The following ARFGEF3 variants were observed in gnomAD, a reference collection of about 807,000 sequenced individuals.
The protein encoded by ARFGEF3 is ARFGEF family member 3, also known as brefeldin A-inhibited guanine nucleotide-exchange protein 3.
In ARFGEF3, 96 loss-of-function variants were observed where a neutral mutation model predicts 221.7. The ratio of observed to expected loss-of-function variants is 0.43; its 90% CI spans 0.37 to 0.51. The LOEUF (loss-of-function observed/expected upper bound fraction) is 0.51, where lower values mean the gene tolerates loss of function less well. Among genes scored for constraint, ARFGEF3 ranks in the 20% least tolerant of loss-of-function variants. The pLI, the probability that ARFGEF3 is intolerant of heterozygous loss-of-function variation, is 0.00. For synonymous variants in ARFGEF3, 1,145 were observed against 1,126.8 expected, an observed-to-expected ratio of 1.02 and a Z score of -0.32; for missense variants, 2,410 against 2,789.9, an observed-to-expected ratio of 0.86 and a Z score of 3.07.
intron 2 of ARFGEF3, among the ~76,000 whole-genome samples, chr6:138,193,408 A>G (rs2114471807): frequency 6.6e-6 from 1 of 152,238 alleles, no homozygotes; most frequent in African/African-American, 2.4e-5. Context: ...CTATGTTTCC[A>G]TATTATCACA....
chr6:138,255,540 A>G lies in ARFGEF3; in HGVS notation c.875A>G (p.Asp292Gly), dbSNP rs200371941. The G allele has an allele frequency of 3.7e-6, 6 of 1,613,880 alleles. No homozygotes were observed. In the Middle Eastern group the frequency reaches 4.9e-4, roughly 133 times the overall value. ...TSSTSTSLES[D>G]SASPGVSDHG... The stretch of plus-strand genomic sequence containing the variant: ...AGCACCAGTACCAGCCTGGAGTCGG[A>G]CTCTGCGTCTCCGGGAGTGTCTGAC... Residue 292 changes from aspartate (D) to glycine (G), a missense_variant, in exon 10 of 34, where the codon GAC becomes GGC. Around this residue, in one of 5 missense-constraint regions of ARFGEF3, gnomAD observed 570 missense variants for 586.9 expected, o/e 0.97. Transcript: ENST00000251691.
chr6:138,187,347 G>A (rs1777209311), intron 2 of ARFGEF3, among the ~76,000 whole-genome samples: 1 of 152,204 alleles, frequency 6.6e-6, no homozygotes, highest in African/African-American at 2.4e-5. Flanking sequence ...AACAGTGGGA[G>A]GGAGTTGGAC....
intron 24 of ARFGEF3, among the ~76,000 whole-genome samples, chr6:138,310,544 A>G (rs1351313372): frequency 6.6e-6 from 1 of 151,984 alleles, no homozygotes; most frequent in Admixed American, 6.6e-5. Flanking sequence ...AAAACCTAAG[A>G]AATGTTTTTT....
chr6:138,190,654 G>A (rs961001126), intron 2 of ARFGEF3, among the ~76,000 whole-genome samples: 2 of 152,152 alleles, frequency 1.3e-5, no homozygotes, highest in Non-Finnish European at 2.9e-5. Flanking sequence ...TGGAGCCCAC[G>A]TTCCTGCCCA....
At chr6:138,240,913 A>G (rs554382475) in intron 6 of ARFGEF3, among the ~76,000 whole-genome samples, 19 of 152,346 alleles carry the variant, frequency 1.2e-4, no homozygotes, top group African/African-American at 4.3e-4. Context: ...GAAGATGCGT[A>G]TATTTTCTAG....
chr6:138,298,244 C>A (rs1187732845), intron 21 of ARFGEF3, among the ~76,000 whole-genome samples: 2 of 152,172 alleles, frequency 1.3e-5, no homozygotes, highest in Non-Finnish European at 2.9e-5. Context: ...GATCTTCCTA[C>A]ATGTGGGGCA....
chr6:138,286,978 C>T, intron 16 of ARFGEF3, 62 bp downstream of exon 16: 1 of 1,583,646 alleles, frequency 6.3e-7, no homozygotes, highest in Non-Finnish European at 8.6e-7. Context: ...AATGACCCAG[C>T]AGGGTGGGGC....
chr6:138,215,908 GAGAGT>G (rs1777839247), intron 4 of ARFGEF3: 1 of 105,482 alleles, frequency 9.5e-6, no homozygotes, highest in African/African-American at 4.5e-5. Context: ...GAGAGAGAGA[GAGAGT>G]GTTGGGGAAA....
Position 138,280,014 on chromosome 6 carries a change from C to T in ARFGEF3, c.2311C>T (p.Gln771Ter). ...APGVMKDFMK[Q>*]VQTSGVLMVF... is the part of the protein sequence containing the mutation. ...CTCTCTGTAGAAGGACTTCATGAAG[C>T]AGGTGCAGACCAGCGGCGTGCTGAT... Residue 771 changes from glutamine to a stop codon, truncating the protein, a stop_gained, in exon 14 of 34, where the codon CAG (glutamine) becomes TAG (stop). Coordinates refer to ENST00000251691, the MANE Select transcript of ARFGEF3 (RefSeq NM_020340.5). LOFTEE classifies it high-confidence loss of function. The T allele has an allele frequency of 6.2e-7, 1 of 1,613,898 alleles. No individual in the cohort carries two copies. The highest frequency in any genetic ancestry group is 8.5e-7 in the Non-Finnish European group (1 of 1,179,844).
chr6:138,208,619 A>G (rs1433569541), intron 3 of ARFGEF3, among the ~76,000 whole-genome samples: 1 of 152,182 alleles, frequency 6.6e-6, no homozygotes. Context: ...AATCAATTGC[A>G]CCAAGACAGC....
At chr6:138,253,848 T>C (rs773228221) in intron 8 of ARFGEF3, 32 bp from the exon 9 acceptor site, 1 of 1,509,464 alleles carries the variant, frequency 6.6e-7, no homozygotes, top group South Asian at 1.2e-5. Flanking sequence ...TTGTCTTTTG[T>C]CTGCATTTGT....
chr6:138,297,377 C>G (rs1319526334), intron 21 of ARFGEF3, among the ~76,000 whole-genome samples: 7 of 152,134 alleles, frequency 4.6e-5, no homozygotes, highest in African/African-American at 9.7e-5. Flanking sequence ...GTCAGGGAAC[C>G]CTATGTCTTG....
chr6:138,197,369 A>G (rs1777449109), intron 2 of ARFGEF3, among the ~76,000 whole-genome samples: 1 of 152,164 alleles, frequency 6.6e-6, no homozygotes, highest in East Asian at 1.9e-4. Context: ...TTTTACAGTT[A>G]ACTTTTTTCT....
At chr6:138,212,253 G>A (rs73564980) in intron 4 of ARFGEF3, among the ~76,000 whole-genome samples, 4,233 of 152,304 alleles carry the variant, frequency 0.028, 221 homozygotes, top group African/African-American at 0.098. Flanking sequence ...TGTCAGCTGG[G>A]CATTTGACTC....
chr6:138,313,661 A>G (rs1390710140), intron 25 of ARFGEF3, 134 bp from the exon 26 acceptor site: 6 of 732,034 alleles, frequency 8.2e-6, no homozygotes, highest in Admixed American at 2.7e-5. Flanking sequence ...AATCCAAATC[A>G]CGAATAATCA....
chr6:138,183,173 G>A (rs1330189194), intron 2 of ARFGEF3, among the ~76,000 whole-genome samples: 2 of 152,130 alleles, frequency 1.3e-5, no homozygotes, highest in Non-Finnish European at 2.9e-5. Flanking sequence ...GGCAGAGGGA[G>A]AGGGCTGAAC....
At chr6:138,245,650 TTGTC>T in intron 8 of ARFGEF3, 59 bp downstream of exon 8, 1 of 1,238,678 alleles carries the variant, frequency 8.1e-7, no homozygotes, top group Non-Finnish European at 1.2e-6. Context: ...GAAATAACCT[TTGTC>T]TGCAGCATCA....
At chr6:138,247,351 C>T (rs1778502828) in intron 8 of ARFGEF3, among the ~76,000 whole-genome samples, 1 of 152,164 alleles carries the variant, frequency 6.6e-6, no homozygotes. Flanking sequence ...TTGGGACAGT[C>T]CCAGATTTTA....
chr6:138,295,207 A>G (rs17067360), intron 20 of ARFGEF3, among the ~76,000 whole-genome samples: 12,880 of 152,248 alleles, frequency 0.085, 865 homozygotes, highest in South Asian at 0.25. Flanking sequence ...TCAATCAGGT[A>G]GGAATATAAA....
Sources: gnomAD v4.1 joint callset for allele counts (sites outside exome capture counted in the v4.1 genomes callset) on GRCh38, gnomAD v4.1.1 for gene constraint, gnomAD v4.1.1 regional missense constraint, MANE v1.5 for transcripts, NCBI Gene and HGNC (gene_info 2026-07-23, HGNC 2026-07-21) for gene names.